YLPM1: variants seen among roughly 807,000 people sequenced by gnomAD.
The protein encoded by YLPM1 is YLP motif-containing protein 1.
Under a neutral mutation model 230.0 loss-of-function variants are expected in YLPM1, and 99 were observed. The observed-to-expected ratio is 0.43, with a 90% CI of 0.37 to 0.51. YLPM1 has a LOEUF of 0.51. Among genes scored for constraint, YLPM1 ranks in the 20% least tolerant of loss-of-function variants. The pLI is 0.00. For missense variants in YLPM1, 2,592 were observed against 2,707.7 expected, an observed-to-expected ratio of 0.96 and a Z score of 0.95; for synonymous variants, 984 against 942.5, an observed-to-expected ratio of 1.04 and a Z score of -0.81.
At position 74,799,022 on chromosome 14, in the gene YLPM1, A is replaced by C; in HGVS notation, c.3725A>C (p.Tyr1242Ser). 5 of 1,614,024 alleles carry C rather than the reference A, an allele frequency of 3.1e-6. No individual in the cohort carries two copies. Among genetic ancestry groups the C allele is most frequent in the Non-Finnish European group, 4.2e-6 (5 of 1,179,886 alleles). The change falls in exon 5 of 21, where the codon TAT becomes TCT. Residue 1242 changes from tyrosine (Y) to serine (S), a missense_variant. Transcript: ENST00000325680. ...TATCAAGATGATACACTAGAGCTCTATAACAGAGAGGACAGGTTCTCAGCA... is the reference window on the plus strand; with the variant it reads ...TATCAAGATGATACACTAGAGCTCTCTAACAGAGAGGACAGGTTCTCAGCA... ...RDYQDDTLEL[Y>S]NREDRFSAPP...
intron 4 of YLPM1, among the ~76,000 whole-genome samples, chr14:74,792,372 A>G (rs984402076): frequency 1.8e-4 from 28 of 152,178 alleles, no homozygotes; most frequent in African/African-American, 6.8e-4. Flanking sequence ...AAGCCCAGTA[A>G]AACATCTCAC....
In YLPM1 at chr14:74,812,832, A is replaced by T. The variant is rs953361196; in HGVS notation, c.5502+50A>T. 7 of 1,563,664 alleles carry T rather than the reference A, an allele frequency of 4.5e-6. No individual in the cohort carries two copies. The African/African-American group carries it at 8.2e-5, about 18-fold the overall frequency. On this transcript the variant is annotated intron_variant, in intron 11 of 20. Transcript: ENST00000325680. Reference sequence around the variant, plus strand: ...CTTCGTGCAAACCAGAAGATAAGAGATCTTGTTAATATCCTGAAAAGAATT... The same window carrying T: ...CTTCGTGCAAACCAGAAGATAAGAGTTCTTGTTAATATCCTGAAAAGAATT...
chr14:74,768,899 G>GT (rs949275126), intron 1 of YLPM1, among the ~76,000 whole-genome samples: 61 of 147,472 alleles, frequency 4.1e-4, no homozygotes, highest in Middle Eastern at 3.4e-3. Flanking sequence ...TTTGTTTTTT[G>GT]TTTTTTTTTT....
intron 11 of YLPM1, among the ~76,000 whole-genome samples, chr14:74,815,433 G>A (rs1415991011): frequency 6.6e-6 from 1 of 151,836 alleles, no homozygotes; most frequent in Non-Finnish European, 1.5e-5. Flanking sequence ...GTGGTGGCAG[G>A]CACCTGTAAT....
intron 19 of YLPM1, among the ~76,000 whole-genome samples, chr14:74,831,247 G>C (rs868702136): frequency 8.5e-5 from 13 of 152,076 alleles, no homozygotes; most frequent in Non-Finnish European, 1.6e-4. Flanking sequence ...TTAGTAATGG[G>C]CACCATTACA....
intron 2 of YLPM1, 43 bp downstream of exon 2, chr14:74,778,726 C>T (rs958060643): frequency 1.8e-5 from 27 of 1,486,978 alleles, no homozygotes; most frequent in Non-Finnish European, 2.4e-5. Flanking sequence ...AATTATTTAG[C>T]TTTTTTCTGA....
intron 1 of YLPM1, among the ~76,000 whole-genome samples, chr14:74,771,872 G>A (rs1376633008): frequency 6.6e-6 from 1 of 152,082 alleles, no homozygotes; most frequent in Non-Finnish European, 1.5e-5. Context: ...AAAATAGGTG[G>A]GGACTAAGCT....
Position 74,781,635 on chromosome 14 carries a change from C to T in YLPM1, c.1592C>T (p.Pro531Leu). ...VPYSQMPPPL[P>L]TMPPPVLPPS... ...TATTCTCAGATGCCTCCACCTCTAC[C>T]TACAATGCCCCCTCCAGTGTTGCCT... The change falls in exon 4 of 21, where the codon CCT (proline) becomes CTT (leucine). Residue 531 changes from proline to leucine, a missense_variant. Around this residue, in one of 4 missense-constraint regions of YLPM1, gnomAD observed 1,862 missense variants for 1,819.8 expected, o/e 1.02. Coordinates refer to ENST00000325680, the MANE Select transcript of YLPM1 (RefSeq NM_019589.3). The T allele has an allele frequency of 6.2e-7, 1 of 1,613,948 alleles. No individual in the cohort carries two copies. The highest frequency in any genetic ancestry group is 2.2e-5 in the East Asian group (1 of 44,882).
At chr14:74,769,515 G>C (rs1339932989) in intron 1 of YLPM1, among the ~76,000 whole-genome samples, 2 of 151,844 alleles carry the variant, frequency 1.3e-5, no homozygotes, top group African/African-American at 2.4e-5. Context: ...TCGAACTCCT[G>C]ACCCCAGGTG....
Position 74,781,585 on chromosome 14 carries a change from G to T in YLPM1, c.1542G>T (p.Met514Ile). Reference sequence around the variant, plus strand: ...TGAAGAACCAGTATATGGGGAACATGTCAATGCCACCTCCTTTTGTTCCAT... The same window carrying T: ...TGAAGAACCAGTATATGGGGAACATTTCAATGCCACCTCCTTTTGTTCCAT... ...QNMKNQYMGN[M>I]SMPPPFVPYS... Residue 514 changes from methionine (M) to isoleucine (I), a missense_variant, in exon 4 of 21, where the codon ATG becomes ATT. Met to Ile is a conservative substitution (Grantham distance 10). This residue lies in a region of YLPM1 where 1,862 missense variants were observed against 1,819.8 expected (regional missense o/e 1.02). Coordinates refer to ENST00000325680, the MANE Select transcript of YLPM1 (RefSeq NM_019589.3). 6.2e-7 allele frequency: 1 copy of T among 1,613,982 alleles called. No individual in the cohort carries two copies. The highest frequency in any genetic ancestry group is 8.5e-7 in the Non-Finnish European group (1 of 1,179,888).
intron 4 of YLPM1, among the ~76,000 whole-genome samples, chr14:74,794,097 T>G (rs184267869): frequency 6.6e-6 from 1 of 152,338 alleles, no homozygotes; most frequent in African/African-American, 2.4e-5. Context: ...CTGTTTATTA[T>G]GGGTTTGTGT....
At chr14:74,780,319 G>A in intron 2 of YLPM1, 86 bp from the exon 3 acceptor site, 1 of 1,475,272 alleles carries the variant, frequency 6.8e-7, no homozygotes, top group Non-Finnish European at 9.0e-7. Context: ...GAGTTGTAGG[G>A]ATTCTGGACT....
chr14:74,795,763 T>C (rs1566749804), intron 4 of YLPM1, among the ~76,000 whole-genome samples: 1 of 152,266 alleles, frequency 6.6e-6, no homozygotes, highest in Non-Finnish European at 1.5e-5. Context: ...TAAGTGCTTA[T>C]AAGGTAACAC....
intron 1 of YLPM1, among the ~76,000 whole-genome samples, chr14:74,773,032 A>G (rs1308197144): frequency 3.3e-5 from 5 of 152,064 alleles, no homozygotes; most frequent in Admixed American, 6.5e-5. Context: ...TCACGCCTGT[A>G]ATCCCAGCAC....
intron 12 of YLPM1, 139 bp from the exon 13 acceptor site, chr14:74,816,432 T>C (rs2091478666): frequency 7.8e-7 from 1 of 1,275,802 alleles, no homozygotes; most frequent in Non-Finnish European, 1.1e-6. Context: ...TTTTATCTAC[T>C]CAGAGAAACA....
At chr14:74,820,228 C>T (rs78801213) in intron 16 of YLPM1, among the ~76,000 whole-genome samples, 4 of 152,062 alleles carry the variant, frequency 2.6e-5, no homozygotes, top group African/African-American at 9.7e-5. Context: ...TTGCTGAAAC[C>T]GGTGCTCTGG....
At chr14:74,776,938 C>T (rs2091046517) in intron 1 of YLPM1, among the ~76,000 whole-genome samples, 1 of 151,936 alleles carries the variant, frequency 6.6e-6, no homozygotes, top group African/African-American at 2.4e-5. Flanking sequence ...TACCTGTGGT[C>T]CCAGTTACTC....
At chr14:74,778,419 A>G (rs373561129) in intron 1 of YLPM1, 28 bp from the exon 2 acceptor site, 79 of 1,557,710 alleles carry the variant, frequency 5.1e-5, no homozygotes, top group African/African-American at 3.1e-4. Flanking sequence ...TTGTCAATCA[A>G]AATTCTCAAA....
Position 74,798,044 on chromosome 14 carries a change from A to C in YLPM1, c.2747A>C (p.Glu916Ala). 6.2e-7 allele frequency: 1 copy of C among 1,613,872 alleles called. No individual in the cohort carries two copies. ...GAGCCACCTAAAAGTGAAGTCTCGG[A>C]AGGGCCCGTAGAGCCCTCTAATTGG... ...QQEPPKSEVS[E>A]GPVEPSNWDQ... The change falls in exon 5 of 21, where the codon GAA becomes GCA. Residue 916 changes from glutamate to alanine, a missense_variant. By Grantham distance (107) the Glu-to-Ala change is moderately radical. Around this residue, in one of 4 missense-constraint regions of YLPM1, gnomAD observed 1,862 missense variants for 1,819.8 expected, o/e 1.02. Coordinates refer to ENST00000325680, the MANE Select transcript of YLPM1 (RefSeq NM_019589.3).
Sources: gnomAD v4.1 joint callset for allele counts (sites outside exome capture counted in the v4.1 genomes callset) on GRCh38, gnomAD v4.1.1 for gene constraint, gnomAD v4.1.1 regional missense constraint, MANE v1.5 for transcripts, NCBI Gene and HGNC (gene_info 2026-07-23, HGNC 2026-07-21) for gene names.